The following AP2A2 variants were observed in gnomAD, a reference collection of about 807,000 sequenced individuals.
AP2A2 encodes the protein adaptor related protein complex 2 subunit alpha 2.
A neutral mutation model predicts 104.2 loss-of-function variants in AP2A2; 32 were observed. The observed-to-expected ratio is 0.31, with a 90% CI of 0.23 to 0.41. The LOEUF (loss-of-function observed/expected upper bound fraction) is 0.41, where lower values mean the gene tolerates loss of function less well. Among genes scored for constraint, AP2A2 ranks in the 10% least tolerant of loss-of-function variants. AP2A2 has a pLI of 1.00. For synonymous variants in AP2A2, 539 were observed against 533.3 expected (o/e 1.01, Z -0.15); for missense variants, 912 against 1,261.0 (o/e 0.72, Z 4.19).
chr11:1,006,947 G>A (rs558820780), intron 17 of AP2A2: 141 of 244,462 alleles, frequency 5.8e-4, no homozygotes, highest in Non-Finnish European at 7.7e-4. Flanking sequence ...CCTCCTCTCC[G>A]AAGCCTCACA....
intron 2 of AP2A2, among the ~76,000 whole-genome samples, chr11:967,329 C>T (rs978120181): frequency 5.9e-5 from 9 of 152,076 alleles, no homozygotes; most frequent in East Asian, 1.9e-4. Context: ...CCTGATGCTC[C>T]GTCCGTGCTG....
At chr11:950,811 G>T (rs759584733) in intron 1 of AP2A2, among the ~76,000 whole-genome samples, 1 of 152,086 alleles carries the variant, frequency 6.6e-6, no homozygotes, top group African/African-American at 2.4e-5. Context: ...AGTGTTAGGG[G>T]CTGCGGGTGT....
In AP2A2 at chr11:1,010,526, CCTG is replaced by C. The variant is rs2133799776; in HGVS notation, c.2743-18_2743-16del. The C allele has an allele frequency of 6.4e-7, 1 of 1,569,480 alleles. No individual in the cohort carries two copies. Among genetic ancestry groups the C allele is most frequent in the Non-Finnish European group, 8.6e-7 (1 of 1,156,122 alleles). ...GTGTGAGCCTCGGCGTGCCCGTTGA[CCTG>C]CTGTGCTCTCTGTTTCAGATGTACC... On this transcript the variant is annotated intron_variant, in intron 21 of 21. Coordinates refer to ENST00000448903, the MANE Select transcript of AP2A2 (RefSeq NM_012305.4).
intron 1 of AP2A2, chr11:940,633 G>GT: frequency 2.8e-6 from 1 of 354,000 alleles, no homozygotes; most frequent in Non-Finnish European, 5.6e-6. Flanking sequence ...GTGTAAAGGT[G>GT]TTTCCTTTGG....
intron 1 of AP2A2, among the ~76,000 whole-genome samples, chr11:938,477 G>GTTTTTTTTTT (rs1170166405): frequency 7.1e-6 from 1 of 141,028 alleles, no homozygotes. Flanking sequence ...ATGTTTGTAT[G>GTTTTTTTTTT]TTTTTTTTTT....
At chr11:985,670 G>A in intron 8 of AP2A2, 88 bp downstream of exon 8, 3 of 1,562,970 alleles carry the variant, frequency 1.9e-6, no homozygotes, top group Non-Finnish European at 2.6e-6. Flanking sequence ...ATCATGTCTG[G>A]TTTGTCCACT....
intron 7 of AP2A2, among the ~76,000 whole-genome samples, chr11:985,044 C>T (rs1197146127): frequency 2.0e-5 from 3 of 152,144 alleles, no homozygotes; most frequent in Non-Finnish European, 4.4e-5. Flanking sequence ...AGTGCAGTGA[C>T]GCGACCTCAG....
At chr11:999,803 C>CTTTTTTTTTTTTTTTTTT (rs71022992) in intron 14 of AP2A2, among the ~76,000 whole-genome samples, 1 of 124,700 alleles carries the variant, frequency 8.0e-6, no homozygotes. Context: ...TTAGTTCTTT[C>CTTTTTTTTTTTTTTTTTT]TTTTTTTTTT....
intron 3 of AP2A2, among the ~76,000 whole-genome samples, chr11:971,579 G>T (rs1466701301): frequency 6.6e-6 from 1 of 152,230 alleles, no homozygotes; most frequent in African/African-American, 2.4e-5. Flanking sequence ...TTTGCCCTGG[G>T]TCAGTGGGGG....
At chr11:971,030 T>C (rs1361361403) in intron 3 of AP2A2, among the ~76,000 whole-genome samples, 2 of 152,272 alleles carry the variant, frequency 1.3e-5, no homozygotes, top group Non-Finnish European at 2.9e-5. Context: ...TCAAAAAATT[T>C]AACTTAGAGA....
At chr11:997,667 G>A (rs920853167) in intron 14 of AP2A2, among the ~76,000 whole-genome samples, 1 of 152,228 alleles carries the variant, frequency 6.6e-6, no homozygotes, top group Non-Finnish European at 1.5e-5. Context: ...CGCTTTGGGA[G>A]GCTGAGGTGG....
At chr11:1,003,176 C>T (rs1328054133) in intron 15 of AP2A2, among the ~76,000 whole-genome samples, 2 of 152,202 alleles carry the variant, frequency 1.3e-5, no homozygotes, top group East Asian at 3.9e-4. Context: ...CCCTGGGCTC[C>T]CTGTGCGGTG....
rs1436901887 is a variant in AP2A2 at position 968,159 on chromosome 11, C to G, written c.137-2010C>G. 6.6e-6 allele frequency among the ~76,000 whole-genome samples: 1 copy of G among 152,188 alleles called. No homozygotes were observed. The highest frequency in any genetic ancestry group is 1.5e-5 in the Non-Finnish European group (1 of 68,034). ...TGCCACATGAGCAGCGGGCCGAGCA[C>G]TGTGGCTTTCTCCTCGCGCTGGCGA... On this transcript the variant is annotated intron_variant, in intron 2 of 21. Transcript: ENST00000448903. The surrounding 1 kb of genome is among the most constrained non-coding windows in gnomAD (Gnocchi z 4.2).
chr11:951,526 CAAA>C (rs75136030), intron 1 of AP2A2, among the ~76,000 whole-genome samples: 1 of 139,548 alleles, frequency 7.2e-6, no homozygotes. Context: ...GACTCCGTCT[CAAA>C]AAAAAAAAAA....
intron 5 of AP2A2, among the ~76,000 whole-genome samples, chr11:979,644 C>G (rs905908346): frequency 6.6e-6 from 1 of 152,210 alleles, no homozygotes; most frequent in Non-Finnish European, 1.5e-5. Flanking sequence ...TCACTGCAAC[C>G]TCTGCCTCCT....
intron 1 of AP2A2, among the ~76,000 whole-genome samples, chr11:927,450 A>G (rs1319064141): frequency 1.3e-5 from 2 of 150,984 alleles, no homozygotes; most frequent in Non-Finnish European, 2.9e-5. Flanking sequence ...TCAGGAGGAT[A>G]GTGGTTCTCC....
intron 1 of AP2A2, among the ~76,000 whole-genome samples, chr11:958,053 C>T (rs1028550715): frequency 2.0e-5 from 3 of 152,220 alleles, no homozygotes. Context: ...TGCTGAAGCC[C>T]CAACCCCAGT....
chr11:938,595 C>G (rs929331560), intron 1 of AP2A2, among the ~76,000 whole-genome samples: 3 of 151,888 alleles, frequency 2.0e-5, no homozygotes, highest in African/African-American at 7.3e-5. Flanking sequence ...CTGCCTCAGC[C>G]TCTCGAGTAG....
chr11:967,415 G>C (rs1854655929), intron 2 of AP2A2, among the ~76,000 whole-genome samples: 1 of 152,028 alleles, frequency 6.6e-6, no homozygotes, highest in Admixed American at 6.5e-5. Context: ...AGGCTGGAGT[G>C]CAGTGGCGCG....
Sources: gnomAD v4.1 joint callset for allele counts (sites outside exome capture counted in the v4.1 genomes callset) on GRCh38, gnomAD v4.1.1 for gene constraint, Gnocchi (gnomAD v3.1) non-coding constraint, MANE v1.5 for transcripts, NCBI Gene and HGNC (gene_info 2026-07-23, HGNC 2026-07-21) for gene names.